Variants in BICRAL observed in about 807,000 individuals in gnomAD.
BICRAL encodes BICRA like chromatin remodeling complex associated protein.
In BICRAL, 8 loss-of-function variants were observed where a neutral mutation model predicts 91.8. The observed-to-expected ratio is 0.09, with a 90% CI of 0.05 to 0.16. BICRAL has a LOEUF of 0.16. Among genes scored for constraint, BICRAL ranks in the 10% least tolerant of loss-of-function variants. The pLI is 1.00. For missense variants in BICRAL, 1,038 were observed against 1,310.9 expected (o/e 0.79, Z 3.21); for synonymous variants, 445 against 491.1 (o/e 0.91, Z 1.24).
Position 42,836,149 on chromosome 6 carries a change from G to A in BICRAL, c.1839+5977G>A, listed in dbSNP as rs116839598. On this transcript the variant is annotated intron_variant, in intron 6 of 12. Transcript: ENST00000314073. ...TACTTACCTGCAACACGCCATAGAC[G>A]TTTTCACTTAATGATAGAACTTGAG... Among the ~76,000 whole-genome samples, 332 of 152,114 alleles carry A rather than the reference G, an allele frequency of 2.2e-3. 1 individual carries two copies. Among genetic ancestry groups the A allele is most frequent in the Middle Eastern group, 6.8e-3 (2 of 294 alleles).
chr6:42,782,345 G>C (rs1350311638), intron 1 of BICRAL, among the ~76,000 whole-genome samples: 1 of 143,988 alleles, frequency 6.9e-6, no homozygotes, highest in African/African-American at 2.6e-5. Flanking sequence ...TTTTTTTTTG[G>C]GGGGGGGTGG....
chr6:42,752,978 G>A (rs1762404134), intron 1 of BICRAL, among the ~76,000 whole-genome samples: 1 of 145,812 alleles, frequency 6.9e-6, no homozygotes. Context: ...CCAGGCTAGA[G>A]TGCAGTGGTG....
intron 1 of BICRAL, among the ~76,000 whole-genome samples, chr6:42,775,831 G>A (rs1481997265): frequency 6.6e-6 from 1 of 152,108 alleles, no homozygotes; most frequent in Non-Finnish European, 1.5e-5. Flanking sequence ...GATGTGAAGT[G>A]TTTAAATTCA....
intron 1 of BICRAL, among the ~76,000 whole-genome samples, chr6:42,798,927 A>T (rs1221676261): frequency 2.6e-5 from 3 of 114,086 alleles, no homozygotes; most frequent in Admixed American, 2.3e-4. Flanking sequence ...TTGTTTTAAA[A>T]TTTGTATTAT....
chr6:42,781,060 T>C (rs1307716125), upstream of BICRAL, among the ~76,000 whole-genome samples: 1 of 151,962 alleles, frequency 6.6e-6, no homozygotes. Context: ...CTAAATACTT[T>C]GGATACTAGA....
intron 1 of BICRAL, among the ~76,000 whole-genome samples, chr6:42,766,196 T>C (rs1039297418): frequency 2.6e-5 from 4 of 152,172 alleles, no homozygotes; most frequent in African/African-American, 4.8e-5. Context: ...TAAAGTTCTC[T>C]GATATTATCT....
rs1765090807 is a variant in BICRAL, at chr6:42,848,609, CG to C, written c.1840-3482del. 2.6e-5 allele frequency among the ~76,000 whole-genome samples: 4 copies of C among 152,226 alleles called. No homozygotes were observed. In the South Asian group the frequency reaches 8.3e-4, roughly 32 times the overall value. Reference sequence around the variant, plus strand: ...CCTATAACCCCGCACTTTAGGTGGCCGAGGCAGGTGGATTGCTTGAGCTCAG... The same window carrying C: ...CCTATAACCCCGCACTTTAGGTGGCCAGGCAGGTGGATTGCTTGAGCTCAG... On this transcript the variant is annotated intron_variant, in intron 6 of 12. Coordinates refer to ENST00000314073, the MANE Select transcript of BICRAL (RefSeq NM_001393499.1).
At chr6:42,783,034 G>T (rs1762969869) in intron 1 of BICRAL, among the ~76,000 whole-genome samples, 1 of 151,826 alleles carries the variant, frequency 6.6e-6, no homozygotes. Context: ...TTTTCATCCT[G>T]GCTTCCCCAT....
chr6:42,835,051 C>T (rs1161194128), intron 6 of BICRAL, among the ~76,000 whole-genome samples: 1 of 152,156 alleles, frequency 6.6e-6, no homozygotes, highest in East Asian at 1.9e-4. Context: ...CAATTCTAAT[C>T]CATGACTACA....
chr6:42,773,086 T>TC (rs1762758993), intron 1 of BICRAL, among the ~76,000 whole-genome samples: 1 of 151,906 alleles, frequency 6.6e-6, no homozygotes, highest in Non-Finnish European at 1.5e-5. Flanking sequence ...GAGCAATTTT[T>TC]TTTTTTTTTT....
intron 9 of BICRAL, 33 bp downstream of exon 9, chr6:42,855,950 T>G: frequency 6.5e-7 from 1 of 1,549,540 alleles, no homozygotes; most frequent in South Asian, 1.1e-5. Context: ...AAATCAATTC[T>G]GAACACTTCT....
At chr6:42,843,454 G>A (rs949664022) in intron 6 of BICRAL, among the ~76,000 whole-genome samples, 5 of 152,166 alleles carry the variant, frequency 3.3e-5, no homozygotes, top group Admixed American at 6.5e-5. Context: ...CATGATAAGA[G>A]CCAGTGTTGT....
intron 6 of BICRAL, among the ~76,000 whole-genome samples, chr6:42,849,842 A>G (rs1765124643): frequency 6.6e-6 from 1 of 151,998 alleles, no homozygotes; most frequent in South Asian, 2.1e-4. Context: ...ACTTGAGGTC[A>G]GGAGTTCAAG....
At chr6:42,756,647 TC>T (rs1420050975) in intron 1 of BICRAL, among the ~76,000 whole-genome samples, 3 of 151,966 alleles carry the variant, frequency 2.0e-5, no homozygotes, top group Non-Finnish European at 4.4e-5. Flanking sequence ...TTTTTTTTTT[TC>T]TATACGTAAG....
In BICRAL at chr6:42,862,490, C is replaced by CT; in HGVS notation, c.2350-19dup. 1 of 1,460,678 alleles carries CT rather than the reference C, an allele frequency of 6.8e-7. No homozygotes were observed. Among genetic ancestry groups the CT allele is most frequent in the Non-Finnish European group, 9.6e-7 (1 of 1,045,618 alleles). 90.5% of individuals were successfully genotyped at this position (1,460,678 alleles called of 1,614,324 possible). The stretch of plus-strand genomic sequence containing the variant: ...TTTTTAAAAATTGTCTATGAAATGA[C>CT]TGGCCTCTCTCTTTTTCAGCGAATC... On this transcript the variant is annotated intron_variant, in intron 11 of 12. Transcript: ENST00000314073.
intron 1 of BICRAL, among the ~76,000 whole-genome samples, chr6:42,750,131 G>A (rs1762352741): frequency 6.6e-6 from 1 of 151,860 alleles, no homozygotes; most frequent in Non-Finnish European, 1.5e-5. Context: ...CCAAGGTTCT[G>A]GGATTACAGG....
chr6:42,775,305 G>C (rs1176398818), intron 1 of BICRAL, among the ~76,000 whole-genome samples: 3 of 152,102 alleles, frequency 2.0e-5, no homozygotes, highest in Non-Finnish European at 4.4e-5. Context: ...GACATTTATT[G>C]GGCAAGTCCC....
At chr6:42,771,384 C>T (rs545540194) in intron 1 of BICRAL, among the ~76,000 whole-genome samples, 44 of 149,448 alleles carry the variant, frequency 2.9e-4, no homozygotes, top group African/African-American at 1.0e-3. Flanking sequence ...GTTTTTTCTA[C>T]TTTTCTCATT....
chr6:42,843,180 G>A (rs1363958535), intron 6 of BICRAL, among the ~76,000 whole-genome samples: 1 of 152,036 alleles, frequency 6.6e-6, no homozygotes, highest in Non-Finnish European at 1.5e-5. Context: ...GCATGTGCTA[G>A]GAGTAGTCCA....
Sources: gnomAD v4.1 joint callset for allele counts (sites outside exome capture counted in the v4.1 genomes callset) on GRCh38, gnomAD v4.1.1 for gene constraint, MANE v1.5 for transcripts, NCBI Gene and HGNC (gene_info 2026-07-23, HGNC 2026-07-21) for gene names.